Variants in ADAMTS9 observed in about 807,000 individuals in gnomAD.
ADAMTS9 encodes A disintegrin and metalloproteinase with thrombospondin motifs 9.
Under a neutral mutation model 257.1 loss-of-function variants are expected in ADAMTS9, and 107 were observed. The ratio of observed to expected loss-of-function variants is 0.42; its 90% CI spans 0.36 to 0.49. ADAMTS9 has a LOEUF of 0.49. Among genes scored for constraint, ADAMTS9 ranks in the 20% least tolerant of loss-of-function variants. ADAMTS9 has a pLI of 0.03. For synonymous variants in ADAMTS9, 982 were observed against 880.9 expected (o/e 1.11, Z -2.03); for missense variants, 2,353 against 2,469.1 (o/e 0.95, Z 1.00).
intron 28 of ADAMTS9, among the ~76,000 whole-genome samples, chr3:64,579,742 A>C (rs1055780281): frequency 4.6e-5 from 7 of 152,230 alleles, no homozygotes; most frequent in Admixed American, 4.6e-4. Context: ...TTAAGTAAAC[A>C]TTCTGCACAA....
chr3:64,562,659 G>C (rs746526973), intron 29 of ADAMTS9, among the ~76,000 whole-genome samples: 1 of 152,172 alleles, frequency 6.6e-6, no homozygotes, highest in Admixed American at 6.5e-5. Flanking sequence ...AAATTTTTGT[G>C]ATAGCTCAGC....
intron 28 of ADAMTS9, among the ~76,000 whole-genome samples, chr3:64,569,637 T>TCA (rs34675423): frequency 0.24 from 37,210 of 151,992 alleles, 7,979 homozygotes; most frequent in African/African-American, 0.54. Flanking sequence ...CCAAGCATGC[T>TCA]CAGTTATCCA....
chr3:64,607,723 G>A (rs1296070146), intron 22 of ADAMTS9, among the ~76,000 whole-genome samples: 1 of 152,094 alleles, frequency 6.6e-6, no homozygotes, highest in Non-Finnish European at 1.5e-5. Flanking sequence ...GCAAAAACTG[G>A]AATCAACTTT....
intron 30 of ADAMTS9, among the ~76,000 whole-genome samples, chr3:64,558,952 T>C (rs1445426348): frequency 6.6e-6 from 1 of 152,042 alleles, no homozygotes; most frequent in African/African-American, 2.4e-5. Context: ...TCAGTGGATA[T>C]CAGGTAAAAC....
Position 64,649,765 on chromosome 3 carries a change from C to T in ADAMTS9, c.1477G>A (p.Glu493Lys), listed in dbSNP as rs375087407. The T allele has an allele frequency of 6.2e-6, 10 of 1,613,400 alleles. No homozygotes were observed. The East Asian group carries it at 1.3e-4, about 22-fold the overall frequency. The change falls in exon 10 of 40, where the codon GAG (glutamate) becomes AAG (lysine). Residue 493 changes from glutamate to lysine, a missense_variant. By Grantham distance (56) the Glu-to-Lys change is moderately conservative. This residue lies in a region of ADAMTS9 where 360 missense variants were observed against 458.1 expected (regional missense o/e 0.79). Transcript: ENST00000498707. ...ITEFLDTGYG[E>K]CLLNEPESRP... is the part of the protein sequence containing the mutation. ...GATTCAGGTTCGTTAAGCAAACACT[C>T]GCCATAACCAGTGCTACGGAAACAC...
intron 28 of ADAMTS9, among the ~76,000 whole-genome samples, chr3:64,572,528 T>C (rs1271905133): frequency 6.6e-6 from 1 of 152,120 alleles, no homozygotes; most frequent in Non-Finnish European, 1.5e-5. Flanking sequence ...TTCTTAGTTA[T>C]TGAGAAGCCA....
At chr3:64,617,629 GAA>G (rs149997548) in intron 19 of ADAMTS9, among the ~76,000 whole-genome samples, 1 of 151,246 alleles carries the variant, frequency 6.6e-6, no homozygotes, top group African/African-American at 2.4e-5. Flanking sequence ...TAGAAACTGA[GAA>G]AAAAAAAGTG....
intron 2 of ADAMTS9, among the ~76,000 whole-genome samples, chr3:64,685,650 C>T (rs1701883008): frequency 6.6e-6 from 1 of 152,176 alleles, no homozygotes; most frequent in African/African-American, 2.4e-5. Context: ...GACAGAGAGT[C>T]GGGGAACCAA....
At chr3:64,539,857 T>G (rs572210507) in intron 36 of ADAMTS9, among the ~76,000 whole-genome samples, 2 of 152,224 alleles carry the variant, frequency 1.3e-5, no homozygotes, top group Non-Finnish European at 2.9e-5. Context: ...CCTGTAATTT[T>G]TTATTTTTTA....
chr3:64,559,969 T>A (rs761320047), intron 30 of ADAMTS9, among the ~76,000 whole-genome samples: 1 of 152,004 alleles, frequency 6.6e-6, no homozygotes, highest in Non-Finnish European at 1.5e-5. Context: ...AATCAAGAGG[T>A]CACACTGAGG....
chr3:64,608,220 C>T (rs576048487), intron 22 of ADAMTS9, among the ~76,000 whole-genome samples: 15 of 131,968 alleles, frequency 1.1e-4, no homozygotes, highest in Non-Finnish European at 2.0e-4. Context: ...CCTAACTTTA[C>T]TTCCTAAGGA....
In ADAMTS9 at chr3:64,541,950, A is replaced by C. The variant is rs749293497; in HGVS notation, c.5085T>G (p.Val1695=). The change falls in exon 33 of 40, where the codon GTT becomes GTG. Residue 1695 remains valine, a synonymous_variant. Transcript: ENST00000498707. The stretch of plus-strand genomic sequence containing the variant: ...ATTGCACAGATCTCTGCATCACTCC[A>C]ACACCACAAGACACTGAGCACTGTA... ...NWGSCSVSCG[V]GVMQRSVQCL... 1.9e-6 allele frequency: 3 copies of C among 1,614,102 alleles called. No individual in the cohort carries two copies. The highest frequency in any genetic ancestry group is 2.5e-6 in the Non-Finnish European group (3 of 1,180,000).
At chr3:64,633,291 G>A (rs1700413413) in intron 14 of ADAMTS9, among the ~76,000 whole-genome samples, 181 bp downstream of exon 14, 1 of 151,990 alleles carries the variant, frequency 6.6e-6, no homozygotes, top group Non-Finnish European at 1.5e-5. Flanking sequence ...CCAAACTTTG[G>A]CACTACACGC....
In ADAMTS9 at chr3:64,546,755, T is replaced by C. The variant is rs771389050; in HGVS notation, c.5064+3A>G. 1 of 1,593,676 alleles carries C rather than the reference T, an allele frequency of 6.3e-7. No individual in the cohort carries two copies. The highest frequency in any genetic ancestry group is 8.5e-7 in the Non-Finnish European group (1 of 1,171,056). ...AGATTTGAGTGCTCAGTCTTCTACT[T>C]ACGCTCCCCCAGTTGCCAACTCTCC... On this transcript the variant is annotated splice_donor_region_variant and intron_variant, in intron 32 of 39. Coordinates refer to ENST00000498707, the MANE Select transcript of ADAMTS9 (RefSeq NM_182920.2).
Position 64,546,831 on chromosome 3 carries a change from G to T in ADAMTS9, c.4991C>A (p.Pro1664His). 2 of 1,614,108 alleles carry T rather than the reference G, an allele frequency of 1.2e-6. No individual in the cohort carries two copies. Among genetic ancestry groups the T allele is most frequent in the Non-Finnish European group, 1.7e-6 (2 of 1,179,984 alleles). The change falls in exon 32 of 40, where the codon CCC becomes CAC. Residue 1664 changes from proline to histidine, a missense_variant. Physicochemically the swap from Pro to His is moderately conservative, Grantham distance 77 (BLOSUM62 -2). Transcript: ENST00000498707. ...QTTINCPGTQ[P>H]PSVHPCYLRD... ...CAGGTAACAGGGGTGAACACTGGGGGGCTGCGTGCCTGGGCAGTTGATGGT... is the reference window on the plus strand; with the variant it reads ...CAGGTAACAGGGGTGAACACTGGGGTGCTGCGTGCCTGGGCAGTTGATGGT...
rs767643539 is a variant in ADAMTS9 at position 64,541,191 on chromosome 3, G to A, written c.5425C>T (p.Arg1809Trp). Residue 1809 changes from arginine (R) to tryptophan (W), a missense_variant, in exon 36 of 40, where the codon CGG becomes TGG. Physicochemically the swap from Arg to Trp is moderately radical, Grantham distance 101. This residue lies in a region of ADAMTS9 where 1,402 missense variants were observed against 1,441.4 expected (regional missense o/e 0.97). Coordinates refer to ENST00000498707, the MANE Select transcript of ADAMTS9 (RefSeq NM_182920.2). ...TTCCGACATTGGCAGTCATCGCGCC[G>A]GCTCCCGTTATAGGGACATTCTGTT... ...NPTECPYNGS[R>W]RDDCQCRKDY... The A allele has an allele frequency of 3.1e-6, 5 of 1,614,074 alleles. No homozygotes were observed. The highest frequency in any genetic ancestry group is 2.2e-5 in the South Asian group (2 of 91,086).
intron 12 of ADAMTS9, 98 bp from the exon 13 acceptor site, chr3:64,633,977 T>C: frequency 1.7e-6 from 2 of 1,168,078 alleles, no homozygotes; most frequent in Non-Finnish European, 1.2e-6. Flanking sequence ...TCTAGAGAAG[T>C]AAATCTAGGG....
intron 38 of ADAMTS9, among the ~76,000 whole-genome samples, chr3:64,532,829 A>G (rs1017739994): frequency 6.6e-6 from 1 of 152,206 alleles, no homozygotes; most frequent in African/African-American, 2.4e-5. Context: ...AACGAACCGC[A>G]AGCTGGCTAA....
intron 15 of ADAMTS9, 90 bp downstream of exon 15, chr3:64,631,718 G>A (rs973147701): frequency 1.1e-5 from 14 of 1,282,916 alleles, no homozygotes; most frequent in African/African-American, 4.4e-5. Flanking sequence ...TTTTATGCTC[G>A]ACATTAATAT....
Sources: allele counts gnomAD v4.1 joint callset (sites outside exome capture counted in the v4.1 genomes callset), GRCh38; gene constraint gnomAD v4.1.1; regional missense constraint gnomAD v4.1.1; transcripts MANE v1.5; gene names NCBI Gene and HGNC (gene_info 2026-07-23, HGNC 2026-07-21).